Variants in NRG3 observed in about 807,000 individuals in gnomAD.
NRG3 encodes the protein pro-neuregulin-3, membrane-bound isoform.
Under a neutral mutation model 66.9 loss-of-function variants are expected in NRG3, and 31 were observed. The observed-to-expected ratio is 0.46, with a 90% CI of 0.35 to 0.63. The LOEUF is 0.63. Ranked by LOEUF, NRG3 falls within the 20% of genes least tolerant of loss-of-function variation. The pLI, the probability that NRG3 is intolerant of heterozygous loss-of-function variation, is 0.00. For missense variants in NRG3, 910 were observed against 878.9 expected (o/e 1.04, Z -0.45); for synonymous variants, 393 against 359.4 (o/e 1.09, Z -1.06).
At chr10:82,539,646 T>C (rs1244479974) in intron 2 of NRG3, among the ~76,000 whole-genome samples, 1 of 152,110 alleles carries the variant, frequency 6.6e-6, no homozygotes, top group Non-Finnish European at 1.5e-5. Context: ...GTTTTTGTTT[T>C]TGTTTTTAAT....
chr10:82,341,945 T>C (rs1224812454), intron 1 of NRG3, among the ~76,000 whole-genome samples: 1 of 152,060 alleles, frequency 6.6e-6, no homozygotes, highest in African/African-American at 2.4e-5. Flanking sequence ...GTATCTATTT[T>C]TATACCAGCA....
intron 2 of NRG3, among the ~76,000 whole-genome samples, chr10:82,516,636 G>A (rs898333595): frequency 5.3e-5 from 8 of 152,136 alleles, no homozygotes; most frequent in African/African-American, 1.7e-4. Context: ...GGTCTTTGAT[G>A]AAAGATTTTT....
intron 3 of NRG3, among the ~76,000 whole-genome samples, chr10:82,746,165 T>G (rs889394842): frequency 2.6e-5 from 4 of 152,200 alleles, no homozygotes; most frequent in African/African-American, 9.6e-5. Context: ...GTGCTGGGAT[T>G]ACAGGCTTGA....
chr10:81,980,800 T>G (rs1174804164), intron 1 of NRG3, among the ~76,000 whole-genome samples: 1 of 152,240 alleles, frequency 6.6e-6, no homozygotes, highest in East Asian at 1.9e-4. Flanking sequence ...GACCTCTGGC[T>G]TGGCCTGCAG....
At chr10:82,297,510 G>C (rs1399005541) in intron 1 of NRG3, among the ~76,000 whole-genome samples, 1 of 152,074 alleles carries the variant, frequency 6.6e-6, no homozygotes, top group Non-Finnish European at 1.5e-5. Context: ...CTTTTGACTG[G>C]TTTCTCTGCT....
At chr10:82,185,271 A>G (rs2073729681) in intron 1 of NRG3, among the ~76,000 whole-genome samples, 1 of 152,194 alleles carries the variant, frequency 6.6e-6, no homozygotes, top group African/African-American at 2.4e-5. Flanking sequence ...CTGCAAATGA[A>G]AAATGTAAGA....
chr10:82,029,385 T>C (rs1212955246), intron 1 of NRG3, among the ~76,000 whole-genome samples: 1 of 152,124 alleles, frequency 6.6e-6, no homozygotes, highest in Non-Finnish European at 1.5e-5. Context: ...TGTATACATA[T>C]ATAAAGTGTT....
chr10:82,757,137 G>C (rs1382324491), intron 3 of NRG3, among the ~76,000 whole-genome samples: 1 of 152,002 alleles, frequency 6.6e-6, no homozygotes, highest in African/African-American at 2.4e-5. Context: ...TATGAAAAGT[G>C]TGTCTTAGAC....
chr10:82,570,703 T>A (rs992356571), intron 2 of NRG3, among the ~76,000 whole-genome samples: 1 of 151,636 alleles, frequency 6.6e-6, no homozygotes, highest in African/African-American at 2.4e-5. Context: ...AATTTTGCAC[T>A]AAGGAAGCAG....
chr10:82,165,895 A>T (rs2072011641), intron 1 of NRG3, among the ~76,000 whole-genome samples: 1 of 151,932 alleles, frequency 6.6e-6, no homozygotes. Context: ...TCTAGTCAAC[A>T]TTTTAAAATC....
intron 2 of NRG3, among the ~76,000 whole-genome samples, chr10:82,455,562 A>G (rs1179567115): frequency 6.6e-6 from 1 of 151,660 alleles, no homozygotes; most frequent in African/African-American, 2.4e-5. Context: ...AGGCCTGTTT[A>G]CTGTACACTA....
intron 1 of NRG3, among the ~76,000 whole-genome samples, chr10:81,883,702 C>T (rs949061680): frequency 1.3e-5 from 2 of 152,170 alleles, no homozygotes; most frequent in Admixed American, 6.5e-5. Context: ...TATCAGCCTT[C>T]CTCCTCAGAT....
intron 1 of NRG3, among the ~76,000 whole-genome samples, chr10:82,170,062 C>G (rs2072447768): frequency 6.7e-6 from 1 of 149,878 alleles, no homozygotes; most frequent in Non-Finnish European, 1.5e-5. Context: ...CTGTTTTGTT[C>G]TTTAATTCTC....
chr10:82,961,554 A>T (rs144175981), intron 6 of NRG3, among the ~76,000 whole-genome samples: 2 of 152,236 alleles, frequency 1.3e-5, no homozygotes, highest in African/African-American at 4.8e-5. Flanking sequence ...TCTCAACAGA[A>T]GGCAATTTGC....
chr10:82,003,717 T>C (rs2061263233), intron 1 of NRG3, among the ~76,000 whole-genome samples: 1 of 152,170 alleles, frequency 6.6e-6, no homozygotes, highest in Admixed American at 6.5e-5. Context: ...GCTGCTGCTG[T>C]TGAAGCCAAA....
At chr10:82,764,606 G>A (rs958929270) in intron 3 of NRG3, among the ~76,000 whole-genome samples, 2 of 151,604 alleles carry the variant, frequency 1.3e-5, no homozygotes, top group Non-Finnish European at 1.5e-5. Context: ...CAGGTGATCC[G>A]CCCACCTCAG....
intron 4 of NRG3, among the ~76,000 whole-genome samples, chr10:82,911,792 T>G (rs528492474): frequency 1.3e-5 from 2 of 151,926 alleles, no homozygotes; most frequent in African/African-American, 4.8e-5. Context: ...ACTGTAGATA[T>G]TGATCTTCCT....
At chr10:82,246,872 C>T (rs891559998) in intron 1 of NRG3, among the ~76,000 whole-genome samples, 1 of 152,154 alleles carries the variant, frequency 6.6e-6, no homozygotes, top group African/African-American at 2.4e-5. Flanking sequence ...ATCTCTCAGC[C>T]TGGTTTTCCA....
intron 3 of NRG3, among the ~76,000 whole-genome samples, chr10:82,832,322 A>G: frequency 6.6e-6 from 1 of 152,068 alleles, no homozygotes; most frequent in East Asian, 1.9e-4. Flanking sequence ...CAGTTCTCAA[A>G]CTCATAACTG....
Sources: allele counts gnomAD v4.1 joint callset (sites outside exome capture counted in the v4.1 genomes callset), GRCh38; gene constraint gnomAD v4.1.1; transcripts MANE v1.5; gene names NCBI Gene and HGNC (gene_info 2026-07-23, HGNC 2026-07-21).